Variants in FHIT observed in about 807,000 individuals in gnomAD.
The protein encoded by FHIT is fragile histidine triad diadenosine triphosphatase, also known as bis(5'-adenosyl)-triphosphatase.
FHIT carries 19 observed loss-of-function variants against 17.9 expected under a neutral mutation model. The ratio of observed to expected loss-of-function variants is 1.06; its 90% CI spans 0.74 to 1.56. FHIT has a LOEUF of 1.56. Ranked by LOEUF, FHIT falls within the 40% of genes most tolerant of loss-of-function variation. The probability of loss-of-function intolerance (pLI) is 0.00; values close to 1 mark genes in which losing one functional copy is unlikely to be tolerated. For synonymous variants in FHIT, 81 were observed against 69.7 expected, an observed-to-expected ratio of 1.16 and a Z score of -0.81; for missense variants, 248 against 189.2, an observed-to-expected ratio of 1.31 and a Z score of -1.82.
intron 8 of FHIT, among the ~76,000 whole-genome samples, chr3:59,757,196 G>C (rs1701263236): frequency 6.6e-6 from 1 of 152,204 alleles, no homozygotes; most frequent in Non-Finnish European, 1.5e-5. Flanking sequence ...TTAGAGGAAA[G>C]TGCACGCCAA....
intron 8 of FHIT, among the ~76,000 whole-genome samples, chr3:59,844,557 T>C (rs888656879): frequency 6.6e-6 from 1 of 152,116 alleles, no homozygotes; most frequent in Non-Finnish European, 1.5e-5. Flanking sequence ...GCAGATGCTC[T>C]TTCTGCATCA....
At chr3:60,565,360 A>G (rs768093268) in intron 4 of FHIT, among the ~76,000 whole-genome samples, 81 of 152,170 alleles carry the variant, frequency 5.3e-4, no homozygotes, top group Non-Finnish European at 6.5e-4. Flanking sequence ...CCCAAGCACT[A>G]TGGCTGACCC....
intron 5 of FHIT, among the ~76,000 whole-genome samples, chr3:60,131,048 TATATACATACATACAC>T (rs1276302786): frequency 0.23 from 23,190 of 100,688 alleles, 2,382 homozygotes; most frequent in African/African-American, 0.35. Flanking sequence ...TATATACACA[TATATACATACATACAC>T]ATGTATGTAT....
At chr3:60,108,318 C>G (rs1412121226) in intron 5 of FHIT, among the ~76,000 whole-genome samples, 6 of 152,166 alleles carry the variant, frequency 3.9e-5, no homozygotes, top group African/African-American at 1.4e-4. Context: ...CTATTGAGAG[C>G]TTTGATTACA....
intron 5 of FHIT, among the ~76,000 whole-genome samples, chr3:60,437,637 G>T (rs572869614): frequency 1.3e-5 from 2 of 151,994 alleles, no homozygotes; most frequent in African/African-American, 4.8e-5. Context: ...TTAGGTAAAC[G>T]ATACTCAGGT....
chr3:60,733,524 A>C lies in FHIT; in HGVS notation c.-18+88395T>G, dbSNP rs574372409. Among the ~76,000 whole-genome samples, 9 of 152,248 alleles carry C rather than the reference A, an allele frequency of 5.9e-5. No homozygotes were observed. In the East Asian group the frequency reaches 1.5e-3, roughly 26 times the overall value. Reference sequence around the variant, plus strand: ...TGTCATTCCTTGGTCAGTAGCTTTCAGTCTTTTTCACCACTACACCCACCT... The same window carrying C: ...TGTCATTCCTTGGTCAGTAGCTTTCCGTCTTTTTCACCACTACACCCACCT... On this transcript the variant is annotated intron_variant, in intron 4 of 9. Coordinates refer to ENST00000492590, the MANE Select transcript of FHIT (RefSeq NM_002012.4).
At chr3:60,225,352 C>T (rs1245331743) in intron 5 of FHIT, among the ~76,000 whole-genome samples, 1 of 152,104 alleles carries the variant, frequency 6.6e-6, no homozygotes, top group African/African-American at 2.4e-5. Flanking sequence ...GCCAATGGAA[C>T]AGAAAATTTG....
chr3:60,559,080 C>T, intron 4 of FHIT, among the ~76,000 whole-genome samples: 1 of 152,198 alleles, frequency 6.6e-6, no homozygotes, highest in East Asian at 1.9e-4. Context: ...GAGCTTCCAA[C>T]TTCCATGGGA....
At chr3:61,126,494 G>C (rs1020209010) in intron 2 of FHIT, among the ~76,000 whole-genome samples, 1 of 152,050 alleles carries the variant, frequency 6.6e-6, no homozygotes, top group African/African-American at 2.4e-5. Flanking sequence ...AGCAGGTAAG[G>C]GCAGGGAAAA....
chr3:60,679,684 C>T (rs2040701871), intron 4 of FHIT, among the ~76,000 whole-genome samples: 1 of 151,898 alleles, frequency 6.6e-6, no homozygotes, highest in Non-Finnish European at 1.5e-5. Context: ...TTTTTGCCTG[C>T]ATCTCTATTT....
In FHIT at chr3:61,205,063, C is replaced by T. The variant is rs1323201065; in HGVS notation, c.-212-4398G>A. Among the ~76,000 whole-genome samples the T allele has an allele frequency of 8.7e-5, 13 of 148,964 alleles. No individual in the cohort carries two copies. In the Admixed American group the frequency reaches 9.0e-4, roughly 10 times the overall value. On this transcript the variant is annotated intron_variant, in intron 1 of 9. Transcript: ENST00000492590. ...TTCAATTCCCACCTATGAGTGAGAACATGCGCTGTTTGGTGTTTTGTCCTT... is the reference window on the plus strand; with the variant it reads ...TTCAATTCCCACCTATGAGTGAGAATATGCGCTGTTTGGTGTTTTGTCCTT...
chr3:60,552,472 A>G (rs2036593026), intron 4 of FHIT, among the ~76,000 whole-genome samples: 1 of 152,126 alleles, frequency 6.6e-6, no homozygotes, highest in Admixed American at 6.5e-5. Flanking sequence ...AGTCCTCCAC[A>G]TTCCTCACCA....
intron 5 of FHIT, among the ~76,000 whole-genome samples, chr3:60,479,363 G>T (rs1483047336): frequency 1.3e-5 from 2 of 151,816 alleles, no homozygotes; most frequent in Non-Finnish European, 2.9e-5. Flanking sequence ...GAGAGGAAGG[G>T]TCATAAATAT....
chr3:60,012,324 G>A (rs1700174887), intron 6 of FHIT, among the ~76,000 whole-genome samples: 1 of 141,052 alleles, frequency 7.1e-6, no homozygotes, highest in Non-Finnish European at 1.5e-5. Flanking sequence ...GCCAGAGTAT[G>A]GTGGCATGAT....
At chr3:60,323,869 A>G (rs906389505) in intron 5 of FHIT, among the ~76,000 whole-genome samples, 1 of 152,164 alleles carries the variant, frequency 6.6e-6, no homozygotes, top group South Asian at 2.1e-4. Context: ...ACGCTTTGTT[A>G]TAAGGAAGAT....
intron 3 of FHIT, among the ~76,000 whole-genome samples, chr3:60,923,399 C>T (rs1273013384): frequency 6.6e-6 from 1 of 152,142 alleles, no homozygotes; most frequent in African/African-American, 2.4e-5. Context: ...ACTATTCATT[C>T]ACAGGGCTAC....
chr3:60,530,134 G>C (rs780562548), intron 5 of FHIT, among the ~76,000 whole-genome samples: 7 of 152,122 alleles, frequency 4.6e-5, no homozygotes, highest in African/African-American at 1.2e-4. Flanking sequence ...TGGAAGACAG[G>C]TCAAGATCAA....
intron 3 of FHIT, among the ~76,000 whole-genome samples, chr3:61,035,437 T>A (rs1444206704): frequency 6.6e-6 from 1 of 152,210 alleles, no homozygotes; most frequent in Non-Finnish European, 1.5e-5. Flanking sequence ...CAGTTGACAC[T>A]AGATTTTGTT....
At chr3:60,420,413 T>A (rs1200006747) in intron 5 of FHIT, among the ~76,000 whole-genome samples, 3 of 152,152 alleles carry the variant, frequency 2.0e-5, no homozygotes, top group African/African-American at 4.8e-5. Flanking sequence ...GTATATATAT[T>A]TTTATCTATA....
Sources: gnomAD v4.1 joint callset for allele counts (sites outside exome capture counted in the v4.1 genomes callset) on GRCh38, gnomAD v4.1.1 for gene constraint, MANE v1.5 for transcripts, NCBI Gene and HGNC (gene_info 2026-07-23, HGNC 2026-07-21) for gene names.